PLEKHM3: variants seen among roughly 807,000 people sequenced by gnomAD.
The protein encoded by PLEKHM3 is pleckstrin homology domain-containing family M member 3.
Under a neutral mutation model 81.8 loss-of-function variants are expected in PLEKHM3, and 45 were observed. The ratio of observed to expected loss-of-function variants is 0.55; its 90% CI spans 0.43 to 0.71. The LOEUF (loss-of-function observed/expected upper bound fraction) is 0.71. Ranked by LOEUF, PLEKHM3 falls within the 30% of genes least tolerant of loss-of-function variation. The pLI is 0.00. For missense variants in PLEKHM3, 788 were observed against 924.3 expected (o/e 0.85, Z 1.91); for synonymous variants, 352 against 356.4 (o/e 0.99, Z 0.14).
rs751129855 is a variant in PLEKHM3 at position 207,977,298 on chromosome 2, C to T, written c.899G>A (p.Gly300Glu). ...AESPWEALDW[G>E]QKLWEVVHAA... ...ATGCACTACTTCCCAAAGCTTCTGT[C>T]CCCAGTCCAAAGCCTCCCATGGTGA... The change falls in exon 3 of 8, where the codon GGA becomes GAA. Residue 300 changes from glycine to glutamate, a missense_variant. Coordinates refer to ENST00000427836, the MANE Select transcript of PLEKHM3 (RefSeq NM_001080475.3). 1.2e-5 allele frequency: 20 copies of T among 1,614,134 alleles called. No homozygotes were observed. Among genetic ancestry groups the T allele is most frequent in the East Asian group, 4.5e-5 (2 of 44,876 alleles).
rs1243359840 is a variant in PLEKHM3 at position 207,823,095 on chromosome 2, C to T, written c.*5224G>A. The T allele has an allele frequency of 4.2e-5, 3 of 71,618 alleles. No homozygotes were observed. The highest frequency in any genetic ancestry group is 7.9e-5 in the Non-Finnish European group (3 of 37,748). The allele number at this position is 71,618 out of a possible 1,614,324, so 4.4% of individuals were successfully genotyped here. On this transcript the variant is annotated 3_prime_UTR_variant, in exon 8 of 8. Transcript: ENST00000427836. Reference sequence around the variant, plus strand: ...TTCTACTCTGGGCAACAACCAGCTTCATTCAAAGTCTGGAACTTCATTCAA... The same window carrying T: ...TTCTACTCTGGGCAACAACCAGCTTTATTCAAAGTCTGGAACTTCATTCAA...
intron 2 of PLEKHM3, among the ~76,000 whole-genome samples, chr2:207,986,815 C>T (rs1691738117): frequency 2.0e-5 from 3 of 149,576 alleles, no homozygotes; most frequent in Non-Finnish European, 3.0e-5. Flanking sequence ...GGACTACAGG[C>T]GTGTGCCAAC....
At chr2:207,950,064 G>A (rs1240172069) in intron 3 of PLEKHM3, among the ~76,000 whole-genome samples, 2 of 152,180 alleles carry the variant, frequency 1.3e-5, no homozygotes, top group Non-Finnish European at 2.9e-5. Flanking sequence ...CTATGTACAG[G>A]TCTCCAGGCT....
chr2:207,870,952 T>TA (rs1344960922), intron 6 of PLEKHM3, among the ~76,000 whole-genome samples: 1 of 151,822 alleles, frequency 6.6e-6, no homozygotes. Context: ...TGTAAAAAAT[T>TA]AAAAAATTAG....
chr2:208,005,818 C>T (rs963303089), intron 1 of PLEKHM3, among the ~76,000 whole-genome samples: 6 of 152,194 alleles, frequency 3.9e-5, no homozygotes, highest in South Asian at 2.1e-4. Flanking sequence ...CACACACACA[C>T]GCATGTGCAT....
At position 207,822,846 on chromosome 2, in the gene PLEKHM3, G is replaced by T. The variant is rs986403210; in HGVS notation, c.*5473C>A. On this transcript the variant is annotated 3_prime_UTR_variant, in exon 8 of 8. Coordinates refer to ENST00000427836, the MANE Select transcript of PLEKHM3 (RefSeq NM_001080475.3). ...CAGTACTATAAGGCACTCCTACAGG[G>T]ACAAGAGACACAAGGGAAGGCCAAC... is the stretch of plus-strand genomic sequence containing the variant. The T allele has an allele frequency of 6.6e-5, 10 of 152,384 alleles. No homozygotes were observed. The highest frequency in any genetic ancestry group is 2.4e-4 in the African/African-American group (10 of 41,456). The allele number at this position is 152,384 out of a possible 1,614,324, so 9.4% of individuals were successfully genotyped here.
chr2:208,024,769 C>A (rs531062808), intron 1 of PLEKHM3, among the ~76,000 whole-genome samples: 2 of 152,214 alleles, frequency 1.3e-5, no homozygotes, highest in African/African-American at 2.4e-5. Flanking sequence ...ATGGCTCAAT[C>A]TCAGTTTAAC....
chr2:207,878,043 A>G (rs1274597223), intron 6 of PLEKHM3, among the ~76,000 whole-genome samples: 1 of 152,074 alleles, frequency 6.6e-6, no homozygotes, highest in Non-Finnish European at 1.5e-5. Flanking sequence ...GGCTCAAACG[A>G]TCTTCCCACC....
intron 6 of PLEKHM3, among the ~76,000 whole-genome samples, chr2:207,872,626 T>C (rs566724081): frequency 6.6e-6 from 1 of 152,186 alleles, no homozygotes; most frequent in Admixed American, 6.5e-5. Context: ...TCACCTGAGG[T>C]CAGGAGTTTG....
chr2:208,009,632 C>T (rs973438360), intron 1 of PLEKHM3, among the ~76,000 whole-genome samples: 2 of 152,152 alleles, frequency 1.3e-5, no homozygotes, highest in African/African-American at 4.8e-5. Flanking sequence ...TCAAGTAACA[C>T]GCCTACCTAC....
intron 3 of PLEKHM3, among the ~76,000 whole-genome samples, chr2:207,949,383 A>G (rs574144269): frequency 4.2e-4 from 64 of 152,272 alleles, no homozygotes; most frequent in Non-Finnish European, 7.1e-4. Flanking sequence ...CCCCATCTCT[A>G]CAAAAAAATT....
At chr2:207,989,682 G>A (rs1336451095) in intron 2 of PLEKHM3, among the ~76,000 whole-genome samples, 4 of 152,100 alleles carry the variant, frequency 2.6e-5, no homozygotes, top group Non-Finnish European at 2.9e-5. Flanking sequence ...TCCATGCACT[G>A]TTGGGGCCTG....
At chr2:207,865,716 G>A (rs1309313690) in intron 6 of PLEKHM3, among the ~76,000 whole-genome samples, 1 of 140,840 alleles carries the variant, frequency 7.1e-6, no homozygotes, top group Non-Finnish European at 1.5e-5. Context: ...GGAGGCAGAG[G>A]TTGCAGTGAG....
At chr2:207,908,428 G>C in intron 6 of PLEKHM3, 86 bp downstream of exon 6, 1 of 1,240,486 alleles carries the variant, frequency 8.1e-7, no homozygotes, top group Non-Finnish European at 1.1e-6. Flanking sequence ...CCCCAATGAT[G>C]GCAGAATACG....
At chr2:207,834,023 C>G (rs1452571033) in intron 7 of PLEKHM3, among the ~76,000 whole-genome samples, 1 of 152,092 alleles carries the variant, frequency 6.6e-6, no homozygotes, top group Non-Finnish European at 1.5e-5. Context: ...GCTTTTGCAC[C>G]AACCTAAATG....
intron 2 of PLEKHM3, among the ~76,000 whole-genome samples, chr2:207,989,538 C>G (rs139092850): frequency 1.1e-4 from 17 of 152,264 alleles, no homozygotes; most frequent in Non-Finnish European, 2.2e-4. Flanking sequence ...TTCACAAGTC[C>G]CACTTTCTCT....
At chr2:207,967,634 C>G (rs1311391468) in intron 3 of PLEKHM3, among the ~76,000 whole-genome samples, 1 of 152,158 alleles carries the variant, frequency 6.6e-6, no homozygotes, top group Non-Finnish European at 1.5e-5. Context: ...TAGGTTGGTG[C>G]AAAAGTTATA....
intron 1 of PLEKHM3, among the ~76,000 whole-genome samples, chr2:208,004,167 C>A (rs1031275128): frequency 2.0e-5 from 3 of 151,972 alleles, no homozygotes; most frequent in African/African-American, 7.2e-5. Flanking sequence ...GCCTGTAATC[C>A]CAGCACTGTG....
chr2:207,908,015 A>G (rs78606730), intron 6 of PLEKHM3, among the ~76,000 whole-genome samples: 2,372 of 152,352 alleles, frequency 0.016, 71 homozygotes, highest in African/African-American at 0.054. Flanking sequence ...AGCATGCATC[A>G]GTACTTCACT....
Sources: gnomAD v4.1 joint callset for allele counts (sites outside exome capture counted in the v4.1 genomes callset) on GRCh38, gnomAD v4.1.1 for gene constraint, MANE v1.5 for transcripts, NCBI Gene and HGNC (gene_info 2026-07-23, HGNC 2026-07-21) for gene names.